Variants in TMC7 observed in about 807,000 individuals in gnomAD.
TMC7 encodes transmembrane channel like 7.
A neutral mutation model predicts 82.9 loss-of-function variants in TMC7; 54 were observed. The ratio of observed to expected loss-of-function variants is 0.65; its 90% CI spans 0.52 to 0.82. The LOEUF (loss-of-function observed/expected upper bound fraction) is 0.82, where lower values mean the gene tolerates loss of function less well. Ranked by LOEUF, TMC7 falls within the 40% of genes least tolerant of loss-of-function variation. The pLI, the probability that TMC7 is intolerant of heterozygous loss-of-function variation, is 0.00. For missense variants in TMC7, 820 were observed against 901.2 expected (o/e 0.91, Z 1.15); for synonymous variants, 350 against 337.9 (o/e 1.04, Z -0.39).
At chr16:18,994,234 T>C (rs2038999684) in intron 1 of TMC7, among the ~76,000 whole-genome samples, 1 of 152,000 alleles carries the variant, frequency 6.6e-6, no homozygotes, top group Non-Finnish European at 1.5e-5. Context: ...ATGAGAACTG[T>C]AGAGAGTAAG....
intron 2 of TMC7, among the ~76,000 whole-genome samples, chr16:19,013,249 G>C (rs1399552136): frequency 6.6e-6 from 1 of 151,614 alleles, no homozygotes; most frequent in Non-Finnish European, 1.5e-5. Flanking sequence ...ACGGAGTTTC[G>C]CTCTTGTTGC....
intron 3 of TMC7, among the ~76,000 whole-genome samples, chr16:19,020,600 G>C (rs1345643275): frequency 6.6e-6 from 1 of 152,172 alleles, no homozygotes; most frequent in Non-Finnish European, 1.5e-5. Flanking sequence ...GGGCGTGGTG[G>C]CTCACGCCTA....
chr16:19,049,753 C>A, intron 12 of TMC7: 1 of 668,764 alleles, frequency 1.5e-6, no homozygotes, highest in Non-Finnish European at 1.9e-6. Context: ...GGCTGGGCAC[C>A]AAGTATCTTC....
intron 3 of TMC7, among the ~76,000 whole-genome samples, chr16:19,018,310 C>T (rs951652409): frequency 5.0e-4 from 76 of 152,312 alleles, no homozygotes; most frequent in African/African-American, 1.7e-3. Context: ...CTTGGGCTGC[C>T]ATAACAAAAT....
At chr16:19,041,626 C>T (rs541609147) in intron 9 of TMC7, among the ~76,000 whole-genome samples, 1 of 152,244 alleles carries the variant, frequency 6.6e-6, no homozygotes, top group African/African-American at 2.4e-5. Context: ...CCCACCTTAG[C>T]CTCCCAAAGT....
At chr16:19,047,543 C>T (rs954117967) in intron 12 of TMC7, among the ~76,000 whole-genome samples, 2 of 150,896 alleles carry the variant, frequency 1.3e-5, no homozygotes, top group South Asian at 2.1e-4. Flanking sequence ...ACTACAGGAG[C>T]CTGCCACTGC....
At position 19,027,825 on chromosome 16, in the gene TMC7, G is replaced by A. The variant is rs1001903847; in HGVS notation, c.712-2399G>A. ...ATACAGATATGCACAATTGTATAACGTAAATATGCTCAGCTTCAATAAATT... is the reference window on the plus strand; with the variant it reads ...ATACAGATATGCACAATTGTATAACATAAATATGCTCAGCTTCAATAAATT... On this transcript the variant is annotated intron_variant, in intron 5 of 15. Transcript: ENST00000304381. Among the ~76,000 whole-genome samples, 20 of 152,006 alleles carry A rather than the reference G, an allele frequency of 1.3e-4. 1 individual carries two copies. Among genetic ancestry groups the A allele is most frequent in the African/African-American group, 4.8e-4 (20 of 41,372 alleles).
At chr16:18,995,823 G>T (rs565381921) in intron 1 of TMC7, among the ~76,000 whole-genome samples, 1 of 152,234 alleles carries the variant, frequency 6.6e-6, no homozygotes, top group Admixed American at 6.5e-5. Context: ...CTAATTTTTG[G>T]AGCTTTTTCC....
At chr16:19,029,535 A>C (rs1346760587) in intron 5 of TMC7, among the ~76,000 whole-genome samples, 2 of 151,680 alleles carry the variant, frequency 1.3e-5, no homozygotes, top group Admixed American at 1.3e-4. Context: ...ATGCCTAGCT[A>C]ATTTTTTTAA....
chr16:19,022,644 C>A (rs769134409), intron 4 of TMC7, among the ~76,000 whole-genome samples: 1 of 152,200 alleles, frequency 6.6e-6, no homozygotes, highest in South Asian at 2.1e-4. Context: ...GTTCGCATGA[C>A]GAAATTGCCT....
chr16:19,061,385 G>T (rs1167748320), intron 15 of TMC7, among the ~76,000 whole-genome samples: 1 of 152,148 alleles, frequency 6.6e-6, no homozygotes, highest in Non-Finnish European at 1.5e-5. Context: ...CTGACCTCAG[G>T]TGATCCACCT....
chr16:19,038,072 GAC>G (rs1567521938), intron 8 of TMC7, 25 bp downstream of exon 8: 5 of 1,605,694 alleles, frequency 3.1e-6, no homozygotes, highest in Non-Finnish European at 4.3e-6. Context: ...ACTCTGGCTG[GAC>G]ATTATGCCTA....
At chr16:19,055,082 C>T (rs1002155127) in intron 13 of TMC7, among the ~76,000 whole-genome samples, 3 of 151,970 alleles carry the variant, frequency 2.0e-5, no homozygotes, top group African/African-American at 7.2e-5. Context: ...ATATTTTTAT[C>T]TAAGGTTGGC....
intron 13 of TMC7, among the ~76,000 whole-genome samples, chr16:19,055,318 G>A (rs904908297): frequency 6.6e-6 from 1 of 152,076 alleles, no homozygotes; most frequent in Non-Finnish European, 1.5e-5. Flanking sequence ...CCATGTTTCT[G>A]TCATTTTAAA....
chr16:19,009,460 C>T (rs1396699951), intron 2 of TMC7, 45 bp downstream of exon 2: 4 of 1,572,040 alleles, frequency 2.5e-6, no homozygotes. Flanking sequence ...TATGTTATGG[C>T]CCAGAGGTAT....
At chr16:19,058,126 T>C (rs1318488229) in intron 14 of TMC7, among the ~76,000 whole-genome samples, 1 of 152,148 alleles carries the variant, frequency 6.6e-6, no homozygotes, top group African/African-American at 2.4e-5. Flanking sequence ...GCATAGTGGC[T>C]CACGCCTGTA....
chr16:18,990,221 G>T (rs2038926500), intron 1 of TMC7, among the ~76,000 whole-genome samples: 1 of 152,104 alleles, frequency 6.6e-6, no homozygotes, highest in African/African-American at 2.4e-5. Context: ...AAATCACAAT[G>T]GTGGAATGTC....
intron 11 of TMC7, among the ~76,000 whole-genome samples, chr16:19,046,465 T>C (rs375234340): frequency 3.3e-5 from 5 of 152,338 alleles, no homozygotes; most frequent in African/African-American, 1.2e-4. Context: ...GTTATCATTC[T>C]CTGTTCACTT....
chr16:19,061,354 G>T (rs1962002640), intron 15 of TMC7, among the ~76,000 whole-genome samples: 1 of 152,016 alleles, frequency 6.6e-6, no homozygotes, highest in African/African-American at 2.4e-5. Context: ...TCACCACGTT[G>T]GTCAGGCTGG....
Sources: allele counts gnomAD v4.1 joint callset (sites outside exome capture counted in the v4.1 genomes callset), GRCh38; gene constraint gnomAD v4.1.1; transcripts MANE v1.5; gene names NCBI Gene and HGNC (gene_info 2026-07-23, HGNC 2026-07-21).